The following KIAA1958 variants were observed in gnomAD, a reference collection of about 807,000 sequenced individuals.
KIAA1958 encodes the protein uncharacterized protein KIAA1958.
A neutral mutation model predicts 47.2 loss-of-function variants in KIAA1958; 14 were observed. The ratio of observed to expected loss-of-function variants is 0.30; its 90% CI spans 0.20 to 0.46. KIAA1958 has a LOEUF of 0.46. KIAA1958 is among the 20% of genes least tolerant of loss of function. KIAA1958 has a pLI of 1.00. For synonymous variants in KIAA1958, 354 were observed against 353.3 expected (o/e 1.00, Z -0.02); for missense variants, 803 against 909.2 (o/e 0.88, Z 1.50).
chr9:112,529,345 C>T (rs1834713156), intron 1 of KIAA1958, among the ~76,000 whole-genome samples: 1 of 152,192 alleles, frequency 6.6e-6, no homozygotes, highest in South Asian at 2.1e-4. Flanking sequence ...GATATTGACA[C>T]ATTATTATTA....
intron 2 of KIAA1958, chr9:112,582,069 C>A: frequency 5.0e-6 from 1 of 200,304 alleles, no homozygotes; most frequent in South Asian, 9.9e-5. Flanking sequence ...AAGGCATAGG[C>A]ACTGGTTTCA....
intron 2 of KIAA1958, among the ~76,000 whole-genome samples, chr9:112,635,424 G>T (rs1046278465): frequency 7.9e-5 from 12 of 151,956 alleles, no homozygotes; most frequent in Non-Finnish European, 1.6e-4. Flanking sequence ...TAATTTTTTT[G>T]TAAGTTTTGT....
chr9:112,547,843 T>C (rs975558200), intron 1 of KIAA1958, among the ~76,000 whole-genome samples: 1 of 152,026 alleles, frequency 6.6e-6, no homozygotes, highest in African/African-American at 2.4e-5. Flanking sequence ...TACAATCTAT[T>C]CTCTCTGAAG....
chr9:112,620,729 A>T (rs1836490468), intron 2 of KIAA1958, among the ~76,000 whole-genome samples: 1 of 152,166 alleles, frequency 6.6e-6, no homozygotes, highest in Admixed American at 6.5e-5. Context: ...GCCAGCATGC[A>T]TGCCAGCACT....
At chr9:112,600,325 C>T (rs1378336257) in intron 2 of KIAA1958, among the ~76,000 whole-genome samples, 2 of 152,182 alleles carry the variant, frequency 1.3e-5, no homozygotes, top group Non-Finnish European at 2.9e-5. Context: ...TGAATTCACT[C>T]CCTTCTAGCA....
intron 1 of KIAA1958, among the ~76,000 whole-genome samples, chr9:112,508,785 A>G (rs1274536534): frequency 6.6e-6 from 1 of 151,224 alleles, no homozygotes; most frequent in Non-Finnish European, 1.5e-5. Context: ...TTTGTACCAT[A>G]AAGCTGATTG....
intron 1 of KIAA1958, among the ~76,000 whole-genome samples, chr9:112,489,654 AT>A (rs1833929314): frequency 6.6e-6 from 1 of 151,808 alleles, no homozygotes; most frequent in Admixed American, 6.6e-5. Flanking sequence ...CATGTTTGAA[AT>A]TTTTTTCATT....
intron 1 of KIAA1958, among the ~76,000 whole-genome samples, chr9:112,499,935 A>C (rs1027457860): frequency 1.3e-5 from 2 of 151,462 alleles, no homozygotes; most frequent in Admixed American, 1.3e-4. Context: ...TGATCCACCC[A>C]CCTCGGCCTC....
At chr9:112,603,119 G>T (rs1836163829) in intron 2 of KIAA1958, among the ~76,000 whole-genome samples, 1 of 152,096 alleles carries the variant, frequency 6.6e-6, no homozygotes, top group Admixed American at 6.6e-5. Flanking sequence ...TAAACAAAGA[G>T]ATGTATGGAA....
chr9:112,571,422 C>T (rs1227229882), intron 1 of KIAA1958, among the ~76,000 whole-genome samples: 3 of 152,268 alleles, frequency 2.0e-5, no homozygotes, highest in African/African-American at 4.8e-5. Context: ...GGAACTATGG[C>T]GTTCAGAATT....
At chr9:112,509,200 CTTTTTTTTTT>C (rs67222850) in intron 1 of KIAA1958, among the ~76,000 whole-genome samples, 21 of 113,138 alleles carry the variant, frequency 1.9e-4, no homozygotes, top group Non-Finnish European at 3.2e-4. Flanking sequence ...CAGGCCCATT[CTTTTTTTTTT>C]TTTTTTTTTT....
chr9:112,509,224 A>G (rs1461574931), intron 1 of KIAA1958, among the ~76,000 whole-genome samples: 2 of 122,538 alleles, frequency 1.6e-5, no homozygotes, highest in Non-Finnish European at 3.3e-5. Context: ...TTTTTTTGAG[A>G]CGGAGTCTTG....
chr9:112,584,106 A>G (rs1008406125), intron 2 of KIAA1958, among the ~76,000 whole-genome samples: 1 of 152,068 alleles, frequency 6.6e-6, no homozygotes, highest in Non-Finnish European at 1.5e-5. Flanking sequence ...AGTTTATGTT[A>G]ACAGGAGGCA....
At chr9:112,563,302 A>G (rs1835370843) in intron 1 of KIAA1958, among the ~76,000 whole-genome samples, 1 of 152,054 alleles carries the variant, frequency 6.6e-6, no homozygotes, top group Non-Finnish European at 1.5e-5. Flanking sequence ...CATCAAACCT[A>G]TAGATAAATT....
At chr9:112,535,921 TAGTC>T (rs1834847556) in intron 1 of KIAA1958, among the ~76,000 whole-genome samples, 1 of 152,266 alleles carries the variant, frequency 6.6e-6, no homozygotes, top group South Asian at 2.1e-4. Flanking sequence ...AACATTGTTT[TAGTC>T]AGTTCTGACT....
intron 1 of KIAA1958, among the ~76,000 whole-genome samples, chr9:112,496,580 G>A (rs1035136827): frequency 1.2e-4 from 18 of 152,078 alleles, no homozygotes; most frequent in African/African-American, 4.3e-4. Context: ...CAACATAAAG[G>A]AAAAAATGTG....
chr9:112,522,351 C>G (rs1038832856), intron 1 of KIAA1958, among the ~76,000 whole-genome samples: 1 of 152,208 alleles, frequency 6.6e-6, no homozygotes, highest in African/African-American at 2.4e-5. Context: ...AGGGATCTTA[C>G]TCTTTTTTAG....
chr9:112,591,632 C>A (rs778932289), intron 2 of KIAA1958, among the ~76,000 whole-genome samples: 28 of 151,650 alleles, frequency 1.8e-4, no homozygotes, highest in Non-Finnish European at 3.7e-4. Context: ...GTGGCTCATG[C>A]CTGTAATCCC....
chr9:112,624,725 A>T (rs978717277), intron 2 of KIAA1958, among the ~76,000 whole-genome samples: 1 of 152,210 alleles, frequency 6.6e-6, no homozygotes, highest in Non-Finnish European at 1.5e-5. Flanking sequence ...TTGAGTTCTT[A>T]TGTAAACAAT....
Sources: gnomAD v4.1 joint callset for allele counts (sites outside exome capture counted in the v4.1 genomes callset) on GRCh38, gnomAD v4.1.1 for gene constraint, MANE v1.5 for transcripts, NCBI Gene and HGNC (gene_info 2026-07-23, HGNC 2026-07-21) for gene names.